RADIL: variants seen among roughly 807,000 people sequenced by gnomAD.
RADIL encodes ras-associating and dilute domain-containing protein.
RADIL carries 99 observed loss-of-function variants against 97.6 expected under a neutral mutation model. The ratio of observed to expected loss-of-function variants is 1.01; its 90% CI spans 0.86 to 1.20. The LOEUF (loss-of-function observed/expected upper bound fraction) is 1.20, where lower values mean the gene tolerates loss of function less well. Ranked by LOEUF, RADIL falls within the 50% of genes most tolerant of loss-of-function variation. The pLI is 0.00. For missense variants in RADIL, 1,765 were observed against 1,498.9 expected (o/e 1.18, Z -2.93); for synonymous variants, 803 against 691.8 (o/e 1.16, Z -2.52).
intron 2 of RADIL, among the ~76,000 whole-genome samples, chr7:4,845,868 G>A (rs1783554534): frequency 6.6e-6 from 1 of 152,162 alleles, no homozygotes; most frequent in Admixed American, 6.5e-5. Flanking sequence ...AGCTCTCCGG[G>A]GCTGTGCCGA....
Position 4,873,600 on chromosome 7 carries a change from C to T in RADIL, c.535+4005G>A, listed in dbSNP as rs1784303231. Among the ~76,000 whole-genome samples the T allele has an allele frequency of 1.3e-5, 2 of 152,222 alleles. No individual in the cohort carries two copies. Among genetic ancestry groups the T allele is most frequent in the African/African-American group, 4.8e-5 (2 of 41,458 alleles). On this transcript the variant is annotated intron_variant, in intron 2 of 14. Transcript: ENST00000399583. This position sits in a 1 kb window ranked among gnomAD's most constrained non-coding sequence, Gnocchi z 4.3. ...GGGCAGATGTGATCCTGCCATCCCG[C>T]CGTCCTTTTGAAACTACACCACCCA...
At position 4,826,732 on chromosome 7, in the gene RADIL, C is replaced by CA. The variant is rs56036708; in HGVS notation, c.1455-4179dup. Among the ~76,000 whole-genome samples the CA allele has an allele frequency of 5.3e-3, 447 of 85,000 alleles. 2 individuals are homozygous for CA. Among genetic ancestry groups the CA allele is most frequent in the East Asian group, 0.013 (27 of 2,152 alleles). 55.8% of individuals were successfully genotyped at this position (85,000 alleles called of 152,430 possible). ...TGGGCAACAGAGCGAGACTCCGTCT[C>CA]AAAAAAAAAAAACAAAAAAAAAAAC... On this transcript the variant is annotated intron_variant, in intron 5 of 14. Coordinates refer to ENST00000399583, the MANE Select transcript of RADIL (RefSeq NM_018059.5).
chr7:4,820,667 C>T (rs769792342), intron 6 of RADIL, among the ~76,000 whole-genome samples: 2 of 152,206 alleles, frequency 1.3e-5, no homozygotes, highest in Non-Finnish European at 2.9e-5. Context: ...GGAAGGAACT[C>T]GGACAGATCC....
In RADIL at chr7:4,883,069, T is replaced by C. The variant is rs1362594419; in HGVS notation, c.-65+527A>G. 1.3e-5 allele frequency among the ~76,000 whole-genome samples: 2 copies of C among 151,686 alleles called. No individual in the cohort carries two copies. Among genetic ancestry groups the C allele is most frequent in the Non-Finnish European group, 2.9e-5 (2 of 68,006 alleles). On this transcript the variant is annotated intron_variant, in intron 1 of 14. Transcript: ENST00000399583. The surrounding 1 kb of genome is among the most constrained non-coding windows in gnomAD (Gnocchi z 7.1). ...CATAAATAGCCGGGAAACAATGCTT[T>C]GAGCTGGCGCACGAGTGGGGATCGG...
intron 2 of RADIL, among the ~76,000 whole-genome samples, chr7:4,857,108 A>G (rs6463136): frequency 0.13 from 19,160 of 152,252 alleles, 1,422 homozygotes; most frequent in African/African-American, 0.2. Context: ...GACACATTTA[A>G]CAATTTCTGT....
chr7:4,836,394 C>G lies in RADIL; in HGVS notation c.747G>C (p.Pro249=). The G allele has an allele frequency of 6.3e-7, 1 of 1,576,502 alleles. No homozygotes were observed. The highest frequency in any genetic ancestry group is 8.6e-7 in the Non-Finnish European group (1 of 1,161,106). The change falls in exon 3 of 15, where the codon CCG becomes CCC. Residue 249 remains proline, a synonymous_variant. Coordinates refer to ENST00000399583, the MANE Select transcript of RADIL (RefSeq NM_018059.5). ...DAMRYSLYQS[P]HLLLLQGYSQ... is the part of the protein sequence containing the mutation. ...TGTAGCCCTGCAGAAGGAGCAGATG[C>G]GGGGACTGGTACAGCGAGTACCGCA... is the stretch of plus-strand genomic sequence containing the variant.
chr7:4,883,326 C>A lies in RADIL; in HGVS notation c.-65+270G>T, dbSNP rs1217689890. On this transcript the variant is annotated intron_variant, in intron 1 of 14. Coordinates refer to ENST00000399583, the MANE Select transcript of RADIL (RefSeq NM_018059.5). The surrounding 1 kb of genome is among the most constrained non-coding windows in gnomAD (Gnocchi z 7.1). ...CTCAGGAGCTCTCGGGGGTCGGCAG[C>A]GCGGACCCCCGGATCCCCGCAGGCT... Among the ~76,000 whole-genome samples the A allele has an allele frequency of 1.3e-5, 2 of 152,014 alleles. No individual in the cohort carries two copies. Among genetic ancestry groups the A allele is most frequent in the Admixed American group, 6.5e-5 (1 of 15,280 alleles).
chr7:4,799,585 A>T (rs1309090238), intron 14 of RADIL, 45 bp downstream of exon 14: 3 of 1,607,286 alleles, frequency 1.9e-6, no homozygotes, highest in Non-Finnish European at 2.6e-6. Context: ...TCCCCTGAGC[A>T]GGGCATCTGG....
chr7:4,847,739 CAAA>C (rs56177809), intron 2 of RADIL, among the ~76,000 whole-genome samples: 849 of 23,666 alleles, frequency 0.036, 2 homozygotes, highest in East Asian at 0.11. Context: ...AAGCTAGATG[CAAA>C]AAAAAAAAAA....
chr7:4,860,823 C>G, intron 2 of RADIL: 1 of 1,614,066 alleles, frequency 6.2e-7, no homozygotes, highest in Non-Finnish European at 8.5e-7. Context: ...GAAATAGACA[C>G]GTTGTATGTG....
Position 4,799,626 on chromosome 7 carries a change from G to A in RADIL, c.3122+4C>T, listed in dbSNP as rs1247254399. Reference sequence around the variant, plus strand: ...GGGGCCGGGCGTGCATGCGGTGGGGGTACCTCAGGTAGCCAAGGCCCAGGA... The same window carrying A: ...GGGGCCGGGCGTGCATGCGGTGGGGATACCTCAGGTAGCCAAGGCCCAGGA... On this transcript the variant is annotated splice_donor_region_variant and intron_variant, in intron 14 of 14. Transcript: ENST00000399583. The A allele has an allele frequency of 5.0e-6, 8 of 1,605,294 alleles. No homozygotes were observed. The highest frequency in any genetic ancestry group is 6.8e-6 in the Non-Finnish European group (8 of 1,176,146).
In RADIL at chr7:4,834,725, T is replaced by A. The variant is rs778363011; in HGVS notation, c.1298A>T (p.Lys433Met). The change falls in exon 4 of 15, where the codon AAG (lysine) becomes ATG (methionine). Residue 433 changes from lysine (K) to methionine (M), a missense_variant. Transcript: ENST00000399583. The surrounding 1 kb of genome is among the most constrained non-coding windows in gnomAD (Gnocchi z 6.0). ...TLIEPGGDDH[K>M]LTPAFLLCLC... The stretch of plus-strand genomic sequence containing the variant: ...GCACAGGAGGAAGGCGGGGGTCAGC[T>A]TGTGGTCGTCGCCCCCCGGCTCGAT... The A allele has an allele frequency of 1.4e-6, 2 of 1,411,726 alleles. No homozygotes were observed. Among genetic ancestry groups the A allele is most frequent in the Non-Finnish European group, 1.9e-6 (2 of 1,075,876 alleles). The allele number at this position is 1,411,726 out of a possible 1,614,324, so 87.4% of individuals were successfully genotyped here. A position where few individuals can be genotyped will look rare whatever the true frequency, so the allele number is the denominator to read the frequency against.
In RADIL at chr7:4,816,293, G is replaced by A. The variant is rs773640848; in HGVS notation, c.1901C>T (p.Ser634Leu). 21 of 1,612,656 alleles carry A rather than the reference G, an allele frequency of 1.3e-5. No homozygotes were observed. Among genetic ancestry groups the A allele is most frequent in the African/African-American group, 5.3e-5 (4 of 74,938 alleles). Residue 634 changes from serine (S) to leucine (L), a missense_variant, in exon 8 of 15, where the codon TCG becomes TTG. By Grantham distance (145) the Ser-to-Leu change is moderately radical. Coordinates refer to ENST00000399583, the MANE Select transcript of RADIL (RefSeq NM_018059.5). ...RQLQVHPEVA[S>L]QMLAYLFFFS... ...GAAGAAGAGGTAGGCGAGCATCTGC[G>A]AGGCCACCTCGGGGTGCACCTGCAG...
chr7:4,835,604 G>C lies in RADIL; in HGVS notation c.784-365C>G, dbSNP rs78889036. ...ATCCCCAAAACTGTGTGGGAGCACT[G>C]CCGCCTGTGTGGGAGCACCACCCCC... On this transcript the variant is annotated intron_variant, in intron 3 of 14. Coordinates refer to ENST00000399583, the MANE Select transcript of RADIL (RefSeq NM_018059.5). This position sits in a 1 kb window ranked among gnomAD's most constrained non-coding sequence, Gnocchi z 5.8. 1.3e-5 allele frequency among the ~76,000 whole-genome samples: 2 copies of C among 151,866 alleles called. No homozygotes were observed. The highest frequency in any genetic ancestry group is 2.4e-5 in the African/African-American group (1 of 41,408).
At chr7:4,839,648 C>G (rs73671970) in intron 2 of RADIL, among the ~76,000 whole-genome samples, 12,727 of 151,962 alleles carry the variant, frequency 0.084, 612 homozygotes, top group South Asian at 0.19. Flanking sequence ...TTTTTTTAAA[C>G]TCTAAACAAA....
At chr7:4,846,747 T>C (rs1019612383) in intron 2 of RADIL, among the ~76,000 whole-genome samples, 4 of 151,164 alleles carry the variant, frequency 2.6e-5, no homozygotes, top group African/African-American at 9.7e-5. Flanking sequence ...GGTTTCACCA[T>C]GTTGGCCAGG....
At chr7:4,843,264 C>T (rs1367358289) in intron 2 of RADIL, among the ~76,000 whole-genome samples, 5 of 151,846 alleles carry the variant, frequency 3.3e-5, no homozygotes, top group Non-Finnish European at 4.4e-5. Context: ...CCGCCTGCCT[C>T]GGCCTGCCAA....
chr7:4,834,874 C>T lies in RADIL; in HGVS notation c.1149G>A (p.Gly383=). ...CGGCTCCCCGGGCCCCGAGCGCGGC[C>T]CCGCACAGCCGGCAGCTCTGCGGCA... ...RAVPQSCRLC[G]AALGARGAAS... is the part of the protein sequence containing the mutation. The change falls in exon 4 of 15, where the codon GGG becomes GGA. Residue 383 remains glycine (G), a synonymous_variant. Coordinates refer to ENST00000399583, the MANE Select transcript of RADIL (RefSeq NM_018059.5). The surrounding 1 kb of genome is among the most constrained non-coding windows in gnomAD (Gnocchi z 6.0). 7.0e-7 allele frequency: 1 copy of T among 1,422,964 alleles called. No individual in the cohort carries two copies. Among genetic ancestry groups the T allele is most frequent in the Non-Finnish European group, 9.2e-7 (1 of 1,090,966 alleles). The allele number at this position is 1,422,964 out of a possible 1,614,324, so 88.1% of individuals were successfully genotyped here. A position where few individuals can be genotyped will look rare whatever the true frequency, so the allele number is the denominator to read the frequency against.
intron 1 of RADIL, chr7:4,882,019 G>C (rs1784498463): frequency 1.3e-5 from 2 of 151,758 alleles, no homozygotes; most frequent in South Asian, 4.2e-4. Context: ...GCAGTATCAT[G>C]AAACAGGAGA....
Sources: allele counts gnomAD v4.1 joint callset (sites outside exome capture counted in the v4.1 genomes callset), GRCh38; gene constraint gnomAD v4.1.1; non-coding constraint Gnocchi (gnomAD v3.1); transcripts MANE v1.5; gene names NCBI Gene and HGNC (gene_info 2026-07-23, HGNC 2026-07-21).